Variants in ERICH3 observed in about 807,000 individuals in gnomAD.
The protein encoded by ERICH3 is glutamate-rich protein 3.
In ERICH3, 126 loss-of-function variants were observed where a neutral mutation model predicts 131.1. The observed-to-expected ratio is 0.96, with a 90% confidence interval of 0.83 to 1.11. The LOEUF is 1.11. Among genes scored for constraint, ERICH3 ranks in the 50% most tolerant of loss-of-function variants. ERICH3 has a pLI of 0.00. For synonymous variants in ERICH3, 695 were observed against 644.6 expected, an observed-to-expected ratio of 1.08 and a Z score of -1.18; for missense variants, 2,050 against 1,810.7, an observed-to-expected ratio of 1.13 and a Z score of -2.40.
intron 1 of ERICH3, among the ~76,000 whole-genome samples, chr1:74,653,924 T>C (rs1187252857): frequency 6.6e-6 from 1 of 152,180 alleles, no homozygotes; most frequent in African/African-American, 2.4e-5. Flanking sequence ...ACTGGCTCCA[T>C]AACTGTGAAC....
rs759455508 is a variant in ERICH3 at position 74,589,702 on chromosome 1, C to T, written c.2105G>A (p.Ser702Asn). 6.2e-7 allele frequency: 1 copy of T among 1,614,084 alleles called. No individual in the cohort carries two copies. Among genetic ancestry groups the T allele is most frequent in the Non-Finnish European group, 8.5e-7 (1 of 1,179,962 alleles). Residue 702 changes from serine (S) to asparagine (N), a missense_variant, in exon 12 of 15, where the codon AGT (serine) becomes AAT (asparagine). Transcript: ENST00000326665. ...VSAEEKEKDK[S>N]KLWEESTAQV... is the part of the protein sequence containing the mutation. ...AGCAGTGCTTTCTTCCCAAAGCTTA[C>T]TCTTATCCTTTTCCTTTTCTTCTGC...
chr1:74,573,267 T>C lies in ERICH3; in HGVS notation c.2443A>G (p.Thr815Ala). ...TCTGCCAATTCTGGCTGCTCTGCTG[T>C]TGGCTTCCACGCCCTCAAGGGAGCC... ...HEAPLRAWKP[T>A]AEQPELAEEF... Residue 815 changes from threonine to alanine, a missense_variant, in exon 14 of 15, where the codon ACA becomes GCA. By Grantham distance (58) the Thr-to-Ala change is moderately conservative. Coordinates refer to ENST00000326665, the MANE Select transcript of ERICH3 (RefSeq NM_001002912.5). The C allele has an allele frequency of 1.3e-6, 2 of 1,599,774 alleles. No homozygotes were observed. The highest frequency in any genetic ancestry group is 1.7e-6 in the Non-Finnish European group (2 of 1,174,252).
intron 1 of ERICH3, among the ~76,000 whole-genome samples, chr1:74,668,658 T>C (rs537101): frequency 0.031 from 4,724 of 152,232 alleles, 240 homozygotes; most frequent in African/African-American, 0.11. Context: ...AACATGTTTG[T>C]TAAAGGAGTA....
chr1:74,659,309 C>G (rs1468660504), intron 1 of ERICH3, among the ~76,000 whole-genome samples: 1 of 145,166 alleles, frequency 6.9e-6, no homozygotes, highest in East Asian at 2.0e-4. Flanking sequence ...GTCTCCACCC[C>G]TGTTGCACAG....
At chr1:74,586,538 A>G in intron 12 of ERICH3, 4 of 964,546 alleles carry the variant, frequency 4.1e-6, no homozygotes, top group Non-Finnish European at 4.9e-6. Context: ...TTTTGTGAGA[A>G]AAAAGTTTAT....
intron 4 of ERICH3, 98 bp from the exon 5 acceptor site, chr1:74,641,557 C>G: frequency 1.5e-6 from 2 of 1,338,992 alleles, no homozygotes; most frequent in Non-Finnish European, 2.0e-6. Flanking sequence ...TAAAGAAATT[C>G]TTTCTCATTT....
chr1:74,637,468 C>G (rs946536877), intron 5 of ERICH3, among the ~76,000 whole-genome samples: 1 of 152,142 alleles, frequency 6.6e-6, no homozygotes, highest in Non-Finnish European at 1.5e-5. Context: ...TAAACACTTT[C>G]TAATTACACT....
intron 7 of ERICH3, chr1:74,626,128 G>T (rs1649407865): frequency 6.6e-6 from 1 of 151,934 alleles, no homozygotes; most frequent in South Asian, 2.1e-4. Context: ...TTTTTAAATT[G>T]ACTATTAGAA....
intron 12 of ERICH3, among the ~76,000 whole-genome samples, chr1:74,582,488 G>C (rs1647197065): frequency 6.6e-6 from 1 of 152,120 alleles, no homozygotes; most frequent in Non-Finnish European, 1.5e-5. Flanking sequence ...TCAGGTACCT[G>C]AATTCATATT....
chr1:74,573,001 C>A lies in ERICH3; in HGVS notation c.2709G>T (p.Val903=). 2 of 1,614,178 alleles carry A rather than the reference C, an allele frequency of 1.2e-6. No individual in the cohort carries two copies. Among genetic ancestry groups the A allele is most frequent in the Non-Finnish European group, 1.7e-6 (2 of 1,180,038 alleles). ...SEGEQGLEKA[V]LANEAAALNL... ...TCAGGGCTGCTGCTTCATTTGCAAG[C>A]ACTGCCTTCTCTAAACCCTGTTCCC... Residue 903 remains valine, a synonymous_variant, in exon 14 of 15, where the codon GTG becomes GTT. Transcript: ENST00000326665.
intron 6 of ERICH3, 110 bp downstream of exon 6, chr1:74,636,170 T>A (rs1646387160): frequency 3.3e-6 from 3 of 915,250 alleles, no homozygotes; most frequent in African/African-American, 1.7e-5. Context: ...ATATACAATA[T>A]AATTTTCACT....
At chr1:74,590,884 G>C (rs1647562876) in intron 11 of ERICH3, among the ~76,000 whole-genome samples, 1 of 152,060 alleles carries the variant, frequency 6.6e-6, no homozygotes, top group African/African-American at 2.4e-5. Context: ...TTTTTTGAAA[G>C]CCATTTTTTA....
At chr1:74,648,354 C>T (rs888775334) in intron 2 of ERICH3, among the ~76,000 whole-genome samples, 1 of 152,108 alleles carries the variant, frequency 6.6e-6, no homozygotes, top group Admixed American at 6.6e-5. Flanking sequence ...GAGGTGCATG[C>T]CATCATTCTC....
intron 1 of ERICH3, among the ~76,000 whole-genome samples, chr1:74,659,513 A>T (rs571135683): frequency 1.3e-5 from 2 of 152,284 alleles, no homozygotes; most frequent in Admixed American, 1.3e-4. Flanking sequence ...CAATAAACCC[A>T]AAGTGCTTAT....
chr1:74,605,976 G>A (rs750704297), intron 10 of ERICH3, among the ~76,000 whole-genome samples: 20 of 127,878 alleles, frequency 1.6e-4, no homozygotes, highest in Non-Finnish European at 2.7e-4. Context: ...GCATATATAT[G>A]TGTGTATGTA....
intron 12 of ERICH3, among the ~76,000 whole-genome samples, chr1:74,581,898 G>C (rs1374735558): frequency 6.6e-6 from 1 of 152,160 alleles, no homozygotes; most frequent in African/African-American, 2.4e-5. Flanking sequence ...AGTGACCAAA[G>C]AGCTAGAGGA....
chr1:74,617,387 T>A (rs187792293), intron 8 of ERICH3, among the ~76,000 whole-genome samples: 6 of 152,282 alleles, frequency 3.9e-5, no homozygotes, highest in Admixed American at 6.5e-5. Context: ...AAGAGCAACA[T>A]GTATCTACCC....
chr1:74,607,353 C>T (rs1029904305), intron 9 of ERICH3, among the ~76,000 whole-genome samples: 6 of 151,762 alleles, frequency 4.0e-5, no homozygotes, highest in Non-Finnish European at 7.4e-5. Flanking sequence ...CATAGAGAAG[C>T]TGATATAAAA....
intron 6 of ERICH3, among the ~76,000 whole-genome samples, chr1:74,635,487 ATATCT>A (rs554685315): frequency 6.6e-6 from 1 of 152,176 alleles, no homozygotes; most frequent in Non-Finnish European, 1.5e-5. Flanking sequence ...AAAAATAAAA[ATATCT>A]TAATTTCATA....
Sources: allele counts gnomAD v4.1 joint callset (sites outside exome capture counted in the v4.1 genomes callset), GRCh38; gene constraint gnomAD v4.1.1; transcripts MANE v1.5; gene names NCBI Gene and HGNC (gene_info 2026-07-23, HGNC 2026-07-21).